EIF2AK3: variants seen among roughly 807,000 people sequenced by gnomAD.
The protein encoded by EIF2AK3 is eukaryotic translation initiation factor 2 alpha kinase 3.
A neutral mutation model predicts 113.5 loss-of-function variants in EIF2AK3; 50 were observed. That is an observed-to-expected ratio of 0.44 (90% CI 0.35 to 0.56). The LOEUF (loss-of-function observed/expected upper bound fraction) is 0.56. Ranked by LOEUF, EIF2AK3 falls within the 20% of genes least tolerant of loss-of-function variation. The probability of loss-of-function intolerance (pLI) is 0.00; values close to 1 mark genes in which losing one functional copy is unlikely to be tolerated. For synonymous variants in EIF2AK3, 448 were observed against 495.4 expected (o/e 0.90, Z 1.27); for missense variants, 1,185 against 1,378.0 (o/e 0.86, Z 2.22).
Position 88,590,974 on chromosome 2 carries a change from G to C in EIF2AK3, c.846C>G (p.Thr282=), listed in dbSNP as rs759203901. The C allele has an allele frequency of 3.1e-6, 5 of 1,614,056 alleles. No individual in the cohort carries two copies. The highest frequency in any genetic ancestry group is 3.3e-5 in the Admixed American group (2 of 60,016). The stretch of plus-strand genomic sequence containing the variant: ...CTTCTGTGTTCTCATTGGGCTTAAA[G>C]GTGCTTTCAATAAATCCGGCTCTCG... ...METRAGFIES[T]FKPNENTEES... is the part of the protein sequence containing the mutation. The change falls in exon 5 of 17, where the codon ACC becomes ACG. Residue 282 remains threonine, a synonymous_variant. Transcript: ENST00000303236.
At chr2:88,600,615 T>G (rs181556618) in intron 2 of EIF2AK3, among the ~76,000 whole-genome samples, 6 of 152,326 alleles carry the variant, frequency 3.9e-5, no homozygotes, top group Admixed American at 6.5e-5. Flanking sequence ...TAAAGCAGTT[T>G]AGTAAAGTAA....
At chr2:88,570,330 C>T (rs1385281424) in intron 14 of EIF2AK3, among the ~76,000 whole-genome samples, 1 of 152,186 alleles carries the variant, frequency 6.6e-6, no homozygotes, top group African/African-American at 2.4e-5. Flanking sequence ...TGAGCATGCT[C>T]GCCTGATGCT....
intron 1 of EIF2AK3, 81 bp downstream of exon 1, chr2:88,626,886 G>A (rs1178461650): frequency 6.5e-6 from 10 of 1,547,650 alleles, no homozygotes; most frequent in South Asian, 2.3e-5. Flanking sequence ...CCCGGGTCCC[G>A]GATCTCCGCC....
At chr2:88,619,811 G>A (rs149262671) in intron 1 of EIF2AK3, among the ~76,000 whole-genome samples, 252 of 152,142 alleles carry the variant, frequency 1.7e-3, no homozygotes, top group African/African-American at 5.3e-3. Flanking sequence ...AAAGTAAGCC[G>A]GGTGTGATGG....
At chr2:88,558,633 TACTA>T (rs1380601148) in intron 16 of EIF2AK3, among the ~76,000 whole-genome samples, 2 of 152,214 alleles carry the variant, frequency 1.3e-5, no homozygotes, top group Admixed American at 6.5e-5. Context: ...AATGAACACA[TACTA>T]ACTCACTTCA....
intron 14 of EIF2AK3, among the ~76,000 whole-genome samples, chr2:88,569,734 A>C (rs1005773569): frequency 1.3e-5 from 2 of 152,240 alleles, no homozygotes; most frequent in African/African-American, 4.8e-5. Context: ...AGAGTACAAA[A>C]TATTCATGAA....
chr2:88,603,824 C>G (rs748495527), intron 2 of EIF2AK3, among the ~76,000 whole-genome samples: 13 of 152,188 alleles, frequency 8.5e-5, no homozygotes, highest in Non-Finnish European at 1.6e-4. Flanking sequence ...TCTGTCAGCA[C>G]AAGACCCATA....
rs1431121237 is a variant in EIF2AK3, at chr2:88,575,120, C to T, written c.2363G>A (p.Cys788Tyr). Residue 788 changes from cysteine (C) to tyrosine (Y), a missense_variant, in exon 13 of 17, where the codon TGT becomes TAT. This residue lies in a region of EIF2AK3 where 877 missense variants were observed against 1,024.2 expected (regional missense o/e 0.86). Coordinates refer to ENST00000303236, the MANE Select transcript of EIF2AK3 (RefSeq NM_004836.7). ...TACATAAGGAGAAGCTTCAGAAGGA[C>T]AAAGTTCAAAGGAGTGCCCCTCATC... is the stretch of plus-strand genomic sequence containing the variant. Reference protein sequence around the residue: ...GNDEGHSFELCPSEASPYVRS... With the variant: ...GNDEGHSFELYPSEASPYVRS... The T allele has an allele frequency of 3.1e-6, 5 of 1,614,182 alleles. No individual in the cohort carries two copies. Among genetic ancestry groups the T allele is most frequent in the Non-Finnish European group, 4.2e-6 (5 of 1,180,024 alleles).
chr2:88,627,528 T>C (rs1573432778), upstream of EIF2AK3: 2 of 396,170 alleles, frequency 5.0e-6, no homozygotes, highest in Non-Finnish European at 8.8e-6. Context: ...CTGCGGCCGC[T>C]GCCACTCCAT....
At chr2:88,594,538 T>C (rs995503966) in intron 3 of EIF2AK3, among the ~76,000 whole-genome samples, 9 of 152,172 alleles carry the variant, frequency 5.9e-5, no homozygotes, top group Non-Finnish European at 1.0e-4. Context: ...AATGGATTTA[T>C]AAGACCCAAT....
chr2:88,562,646 C>A (rs913424596), intron 14 of EIF2AK3, among the ~76,000 whole-genome samples: 1 of 152,172 alleles, frequency 6.6e-6, no homozygotes, highest in Non-Finnish European at 1.5e-5. Context: ...ACAGGCCCCT[C>A]GGAAACCTGG....
intron 10 of EIF2AK3, chr2:88,579,911 C>A: frequency 5.2e-6 from 2 of 383,016 alleles, no homozygotes; most frequent in Admixed American, 4.0e-5. Flanking sequence ...CTTACAACTG[C>A]TGCACTAGTG....
intron 14 of EIF2AK3, among the ~76,000 whole-genome samples, chr2:88,564,603 A>G (rs1674055971): frequency 6.6e-6 from 1 of 152,146 alleles, no homozygotes. Context: ...CAGTCAGCAC[A>G]GAAGTGTGTA....
chr2:88,575,376 A>G lies in EIF2AK3; in HGVS notation c.2107T>C (p.Phe703Leu). ...ATTTCAATATGTTCTTTTGTAGCGA[A>G]AGGATCCATTCTGCGTATTTTAACT... ...PSVKIRRMDP[F>L]ATKEHIEIIA... is the part of the protein sequence containing the mutation. Residue 703 changes from phenylalanine to leucine, a missense_variant, in exon 13 of 17, where the codon TTC (phenylalanine) becomes CTC (leucine). Phe to Leu is a conservative substitution (Grantham distance 22, BLOSUM62 0). Coordinates refer to ENST00000303236, the MANE Select transcript of EIF2AK3 (RefSeq NM_004836.7). 6.2e-7 allele frequency: 1 copy of G among 1,613,956 alleles called. No individual in the cohort carries two copies.
At chr2:88,588,314 TATGAC>T (rs1346111123) in intron 7 of EIF2AK3, among the ~76,000 whole-genome samples, 1 of 152,156 alleles carries the variant, frequency 6.6e-6, no homozygotes, top group African/African-American at 2.4e-5. Flanking sequence ...ACAATTAAAA[TATGAC>T]ATGACATATG....
rs149031411 is a variant in EIF2AK3 at position 88,590,034 on chromosome 2, A to G, written c.1165+409T>C. Among the ~76,000 whole-genome samples the G allele has an allele frequency of 5.3e-5, 8 of 152,240 alleles. No individual in the cohort carries two copies. The East Asian group carries it at 1.5e-3, about 29-fold the overall frequency. ...GGGTGGATCACCTGAGGTCAGGTGC[A>G]CTATATTCTGGCCAATGTGGTGAAA... is the stretch of plus-strand genomic sequence containing the variant. On this transcript the variant is annotated intron_variant, in intron 6 of 16. Coordinates refer to ENST00000303236, the MANE Select transcript of EIF2AK3 (RefSeq NM_004836.7).
intron 14 of EIF2AK3, among the ~76,000 whole-genome samples, chr2:88,565,705 T>C (rs1482129048): frequency 6.6e-6 from 1 of 152,218 alleles, no homozygotes; most frequent in Non-Finnish European, 1.5e-5. Flanking sequence ...AAGTCCAAAA[T>C]AGATTAAAAT....
At chr2:88,564,013 G>A (rs911947840) in intron 14 of EIF2AK3, among the ~76,000 whole-genome samples, 13 of 151,976 alleles carry the variant, frequency 8.6e-5, no homozygotes, top group Non-Finnish European at 1.5e-4. Context: ...TGTTTCTAAC[G>A]TGATTAAACA....
chr2:88,594,013 A>T, intron 3 of EIF2AK3: 1 of 928,946 alleles, frequency 1.1e-6, no homozygotes, highest in Non-Finnish European at 1.3e-6. Context: ...AAGTAAACAG[A>T]GATTGAAGTG....
Sources: gnomAD v4.1 joint callset for allele counts (sites outside exome capture counted in the v4.1 genomes callset) on GRCh38, gnomAD v4.1.1 for gene constraint, gnomAD v4.1.1 regional missense constraint, MANE v1.5 for transcripts, NCBI Gene and HGNC (gene_info 2026-07-23, HGNC 2026-07-21) for gene names.